TEAD1: variants seen among roughly 807,000 people sequenced by gnomAD.
TEAD1 encodes TEA domain transcription factor 1.
In TEAD1, 9 loss-of-function variants were observed where a neutral mutation model predicts 54.9. The observed-to-expected ratio is 0.16, with a 90% CI of 0.10 to 0.29. The LOEUF is 0.29. TEAD1 is among the 10% of genes least tolerant of loss of function. TEAD1 has a pLI of 1.00. For missense variants in TEAD1, 387 were observed against 535.9 expected (o/e 0.72, Z 2.74); for synonymous variants, 200 against 187.8 (o/e 1.07, Z -0.53).
At chr11:12,861,846 C>T (rs1217182240) in intron 3 of TEAD1, among the ~76,000 whole-genome samples, 1 of 152,202 alleles carries the variant, frequency 6.6e-6, no homozygotes, top group Non-Finnish European at 1.5e-5. Context: ...ATTAGCTGGG[C>T]GTGATGGCGC....
At chr11:12,888,559 A>G (rs1180340041) in intron 9 of TEAD1, among the ~76,000 whole-genome samples, 1 of 151,842 alleles carries the variant, frequency 6.6e-6, no homozygotes, top group Non-Finnish European at 1.5e-5. Flanking sequence ...CAAGAGAAGA[A>G]CCTTAGTTTA....
intron 3 of TEAD1, among the ~76,000 whole-genome samples, chr11:12,793,630 G>A (rs192952076): frequency 1.3e-5 from 2 of 152,244 alleles, no homozygotes; most frequent in East Asian, 3.9e-4. Flanking sequence ...CTCAAGTTTG[G>A]CATTCCATTC....
Position 12,842,716 on chromosome 11 carries a change from A to T in TEAD1, c.203-19534A>T, listed in dbSNP as rs1017978715. Among the ~76,000 whole-genome samples, 6 of 152,202 alleles carry T rather than the reference A, an allele frequency of 3.9e-5. No individual in the cohort carries two copies. In the East Asian group the frequency reaches 9.7e-4, roughly 24 times the overall value. On this transcript the variant is annotated intron_variant, in intron 3 of 12. Transcript: ENST00000527636. Reference sequence around the variant, plus strand: ...GTGTTTATGCCTGCCTGCCTTGTCCAATAAGTGAATTTTTTTTTATTATGC... The same window carrying T: ...GTGTTTATGCCTGCCTGCCTTGTCCTATAAGTGAATTTTTTTTTATTATGC...
chr11:12,886,396 A>C (rs1366916496), intron 9 of TEAD1, among the ~76,000 whole-genome samples: 1 of 152,200 alleles, frequency 6.6e-6, no homozygotes, highest in African/African-American at 2.4e-5. Flanking sequence ...CATCCTTGGG[A>C]CCTTTGAGAA....
intron 3 of TEAD1, among the ~76,000 whole-genome samples, chr11:12,836,652 A>G (rs1946899064): frequency 6.6e-6 from 1 of 152,314 alleles, no homozygotes; most frequent in Non-Finnish European, 1.5e-5. Context: ...TGCTAATTAT[A>G]GTCAACTTGC....
intron 2 of TEAD1, among the ~76,000 whole-genome samples, chr11:12,681,997 C>A (rs889645022): frequency 6.6e-6 from 1 of 152,226 alleles, no homozygotes; most frequent in Non-Finnish European, 1.5e-5. Context: ...GCTTTTACAG[C>A]CTGGGCACCA....
chr11:12,858,137 G>A (rs532485669), intron 3 of TEAD1, among the ~76,000 whole-genome samples: 1 of 152,238 alleles, frequency 6.6e-6, no homozygotes, highest in Non-Finnish European at 1.5e-5. Flanking sequence ...ATAGGACTTA[G>A]GATGTCGTAT....
intron 2 of TEAD1, among the ~76,000 whole-genome samples, chr11:12,694,136 C>A (rs1331672492): frequency 2.0e-5 from 3 of 152,220 alleles, no homozygotes; most frequent in Non-Finnish European, 4.4e-5. Flanking sequence ...CCCCAGCAAA[C>A]ACATGGCAAA....
chr11:12,781,537 C>T (rs1162955466), intron 3 of TEAD1, among the ~76,000 whole-genome samples: 1 of 151,444 alleles, frequency 6.6e-6, no homozygotes, highest in Non-Finnish European at 1.5e-5. Context: ...TTAAAAAAGA[C>T]ATACGTTGAA....
chr11:12,752,885 G>A (rs1422971263), intron 2 of TEAD1, among the ~76,000 whole-genome samples: 1 of 151,566 alleles, frequency 6.6e-6, no homozygotes, highest in Non-Finnish European at 1.5e-5. Context: ...CACTCTCTCA[G>A]GCCAGAGTGC....
intron 5 of TEAD1, among the ~76,000 whole-genome samples, chr11:12,872,650 T>C (rs1030619190): frequency 1.3e-5 from 2 of 152,196 alleles, no homozygotes; most frequent in African/African-American, 4.8e-5. Context: ...CAGGTCTGGA[T>C]TTTCTTTATA....
At chr11:12,934,036 G>A (rs1346567665) in intron 12 of TEAD1, among the ~76,000 whole-genome samples, 4 of 152,004 alleles carry the variant, frequency 2.6e-5, no homozygotes, top group African/African-American at 7.3e-5. Context: ...CCCATTACTG[G>A]GTATATACCC....
chr11:12,883,335 A>C (rs2134099736), intron 9 of TEAD1, among the ~76,000 whole-genome samples: 1 of 152,292 alleles, frequency 6.6e-6, no homozygotes, highest in Non-Finnish European at 1.5e-5. Flanking sequence ...CAGGAGGTGT[A>C]TTACTGTCCT....
intron 2 of TEAD1, among the ~76,000 whole-genome samples, chr11:12,698,043 C>T (rs1435787920): frequency 1.3e-5 from 2 of 149,064 alleles, no homozygotes; most frequent in East Asian, 3.9e-4. Flanking sequence ...AAAAAAGGGC[C>T]CTCAGAACAG....
At chr11:12,696,916 G>C (rs1348211780) in intron 2 of TEAD1, among the ~76,000 whole-genome samples, 1 of 152,082 alleles carries the variant, frequency 6.6e-6, no homozygotes, top group Non-Finnish European at 1.5e-5. Context: ...AGCTAACTGG[G>C]GAACAAGAAG....
chr11:12,834,416 C>T (rs965561004), intron 3 of TEAD1, among the ~76,000 whole-genome samples: 1 of 152,142 alleles, frequency 6.6e-6, no homozygotes, highest in Non-Finnish European at 1.5e-5. Flanking sequence ...CCAGTGCTAC[C>T]ATTTATTAGA....
At chr11:12,934,135 C>A (rs922077285) in intron 12 of TEAD1, among the ~76,000 whole-genome samples, 1 of 152,182 alleles carries the variant, frequency 6.6e-6, no homozygotes, top group African/African-American at 2.4e-5. Flanking sequence ...TTGGAACCAA[C>A]CCAAATGTCC....
intron 5 of TEAD1, among the ~76,000 whole-genome samples, chr11:12,874,412 A>C (rs978130522): frequency 1.3e-5 from 2 of 152,202 alleles, no homozygotes; most frequent in Non-Finnish European, 2.9e-5. Context: ...TGTCATGTAT[A>C]TTACATGTAG....
intron 10 of TEAD1, among the ~76,000 whole-genome samples, chr11:12,918,970 T>A (rs1948760866): frequency 6.6e-6 from 1 of 152,108 alleles, no homozygotes; most frequent in Non-Finnish European, 1.5e-5. Context: ...GCTGGCAAGG[T>A]GTATAGATGA....
Sources: gnomAD v4.1 joint callset for allele counts (sites outside exome capture counted in the v4.1 genomes callset) on GRCh38, gnomAD v4.1.1 for gene constraint, MANE v1.5 for transcripts, NCBI Gene and HGNC (gene_info 2026-07-23, HGNC 2026-07-21) for gene names.